Variants in EPM2A observed in about 807,000 individuals in gnomAD.
EPM2A encodes the protein laforin.
In EPM2A, 21 loss-of-function variants were observed where a neutral mutation model predicts 26.5. That is an observed-to-expected ratio of 0.79 (90% CI 0.56 to 1.14). The LOEUF is 1.14. EPM2A is among the 50% of genes most tolerant of loss of function. The pLI is 0.00. For synonymous variants in EPM2A, 217 were observed against 177.6 expected (o/e 1.22, Z -1.76); for missense variants, 458 against 440.8 (o/e 1.04, Z -0.35).
intron 1 of EPM2A, among the ~76,000 whole-genome samples, chr6:145,723,492 C>T (rs549637511): frequency 1.3e-5 from 2 of 151,998 alleles, no homozygotes; most frequent in Non-Finnish European, 2.9e-5. Context: ...ATAACAAAAT[C>T]AAGACTTATT....
At chr6:145,561,985 G>A (rs892672276) in intron 2 of EPM2A, among the ~76,000 whole-genome samples, 1 of 151,690 alleles carries the variant, frequency 6.6e-6, no homozygotes, top group Non-Finnish European at 1.5e-5. Flanking sequence ...GTTGATAGGT[G>A]CAAACCACCA....
intron 4 of EPM2A, among the ~76,000 whole-genome samples, chr6:145,448,920 T>C (rs1010466035): frequency 1.3e-5 from 2 of 152,202 alleles, no homozygotes; most frequent in African/African-American, 4.8e-5. Context: ...AAATAAGCAA[T>C]ATGAGATTGC....
chr6:145,401,888 A>G (rs1403069046), intron 4 of EPM2A, among the ~76,000 whole-genome samples: 1 of 152,098 alleles, frequency 6.6e-6, no homozygotes, highest in Non-Finnish European at 1.5e-5. Context: ...ATAATTAGTG[A>G]GTCAATGCTA....
chr6:145,471,492 T>C (rs1221104166), intron 4 of EPM2A, among the ~76,000 whole-genome samples: 3 of 152,064 alleles, frequency 2.0e-5, no homozygotes, highest in African/African-American at 7.2e-5. Context: ...ACTTCATATC[T>C]CTGAGAGAGG....
rs563020196 is a variant in EPM2A, at chr6:145,491,122, G to A, written c.555+11400C>T. 34 of 591,476 alleles carry A rather than the reference G, an allele frequency of 5.7e-5. No individual in the cohort carries two copies. The African/African-American group carries it at 6.0e-4, about 10-fold the overall frequency. The allele number at this position is 591,476 out of a possible 1,614,324, so 36.6% of individuals were successfully genotyped here. ...CTTTTATTTGGCCACCTTTTTTCTTGTGGTATTTTCCTCTAATGGAGCTGA... is the reference window on the plus strand; with the variant it reads ...CTTTTATTTGGCCACCTTTTTTCTTATGGTATTTTCCTCTAATGGAGCTGA... On this transcript the variant is annotated intron_variant, in intron 4 of 4. Transcript: ENST00000638717.
chr6:145,620,422 C>A (rs922179462), downstream of EPM2A, among the ~76,000 whole-genome samples: 4 of 152,164 alleles, frequency 2.6e-5, no homozygotes, highest in Non-Finnish European at 5.9e-5. Flanking sequence ...AGGCCATGGA[C>A]CACTACTGTG....
chr6:145,564,322 A>G (rs1280194271), intron 2 of EPM2A, among the ~76,000 whole-genome samples: 1 of 152,228 alleles, frequency 6.6e-6, no homozygotes, highest in African/African-American at 2.4e-5. Context: ...ACGTATGTAC[A>G]TTAAAAGAAA....
chr6:145,545,367 C>T (rs766421036), intron 2 of EPM2A, among the ~76,000 whole-genome samples: 2 of 152,130 alleles, frequency 1.3e-5, no homozygotes, highest in African/African-American at 4.8e-5. Flanking sequence ...CATACAAGCA[C>T]AGCTAAAGCC....
At chr6:145,685,004 T>C (rs1235409830) in intron 2 of EPM2A, 1 of 152,208 alleles carries the variant, frequency 6.6e-6, no homozygotes, top group Non-Finnish European at 1.5e-5. Flanking sequence ...TTTATATTAA[T>C]TGTATCTCTC....
At chr6:145,447,283 C>T (rs1779139004) in intron 4 of EPM2A, among the ~76,000 whole-genome samples, 1 of 152,114 alleles carries the variant, frequency 6.6e-6, no homozygotes, top group East Asian at 1.9e-4. Context: ...TATTTATCCT[C>T]TTCAATCAAT....
chr6:145,521,423 T>C (rs1379322693), intron 2 of EPM2A, among the ~76,000 whole-genome samples: 1 of 152,174 alleles, frequency 6.6e-6, no homozygotes, highest in African/African-American at 2.4e-5. Context: ...TGAAATCCAA[T>C]GTCAAAAATA....
chr6:145,676,500 G>T (rs1052806233), intron 2 of EPM2A, among the ~76,000 whole-genome samples: 20 of 151,838 alleles, frequency 1.3e-4, no homozygotes, highest in Non-Finnish European at 2.6e-4. Flanking sequence ...CTGGTTTTTT[G>T]AAAAGATCAA....
chr6:145,518,791 G>T (rs1352296457), intron 2 of EPM2A, among the ~76,000 whole-genome samples: 1 of 152,038 alleles, frequency 6.6e-6, no homozygotes, highest in Non-Finnish European at 1.5e-5. Context: ...CACCATATTA[G>T]CTAAAGCCAG....
At position 145,626,274 on chromosome 6, in the gene EPM2A, G is replaced by A. The variant is rs1775802176; in HGVS notation, c.*1142C>T. On this transcript the variant is annotated 3_prime_UTR_variant, in exon 4 of 4. Transcript: ENST00000367519. Reference sequence around the variant, plus strand: ...TTTCCTGTAGAACCTAGGGTGATGAGCTGCATAGTCTGGAGGCACAGGAAC... The same window carrying A: ...TTTCCTGTAGAACCTAGGGTGATGAACTGCATAGTCTGGAGGCACAGGAAC... 7.1e-6 allele frequency: 7 copies of A among 988,008 alleles called. No individual in the cohort carries two copies. The highest frequency in any genetic ancestry group is 6.0e-6 in the Non-Finnish European group (5 of 831,466). The allele number at this position is 988,008 out of a possible 1,614,324, so 61.2% of individuals were successfully genotyped here.
At chr6:145,446,231 T>C (rs1018272523) in intron 4 of EPM2A, among the ~76,000 whole-genome samples, 2 of 150,514 alleles carry the variant, frequency 1.3e-5, no homozygotes, top group African/African-American at 4.8e-5. Context: ...CCCAAATTCC[T>C]GACCCTTAAA....
chr6:145,480,279 A>G (rs1656017429), intron 4 of EPM2A, among the ~76,000 whole-genome samples: 1 of 152,040 alleles, frequency 6.6e-6, no homozygotes, highest in African/African-American at 2.4e-5. Context: ...AAGAGGAAGC[A>G]GGCACATCTT....
At chr6:145,704,637 G>A (rs1325208691) in intron 1 of EPM2A, among the ~76,000 whole-genome samples, 1 of 152,168 alleles carries the variant, frequency 6.6e-6, no homozygotes, top group Non-Finnish European at 1.5e-5. Flanking sequence ...CTGGCTCTCA[G>A]TTCACTGCTG....
chr6:145,641,040 TCATTTCTTA>T (rs2128568504), intron 2 of EPM2A: 1 of 152,346 alleles, frequency 6.6e-6, no homozygotes, highest in Admixed American at 6.5e-5. Context: ...TAAGTCCAGT[TCATTTCTTA>T]CATTTTGGGG....
At chr6:145,702,747 T>C (rs1056998589) in intron 1 of EPM2A, among the ~76,000 whole-genome samples, 1 of 152,168 alleles carries the variant, frequency 6.6e-6, no homozygotes. Flanking sequence ...GACAAGACCA[T>C]AATAACAGTA....
Sources: allele counts gnomAD v4.1 joint callset (sites outside exome capture counted in the v4.1 genomes callset), GRCh38; gene constraint gnomAD v4.1.1; transcripts MANE v1.5; gene names NCBI Gene and HGNC (gene_info 2026-07-23, HGNC 2026-07-21).